Variants in SNX25 observed in about 807,000 individuals in gnomAD.
SNX25 encodes sorting nexin 25.
A neutral mutation model predicts 113.7 loss-of-function variants in SNX25; 62 were observed. The observed-to-expected ratio is 0.55, with a 90% confidence interval of 0.44 to 0.67. The LOEUF (loss-of-function observed/expected upper bound fraction) is 0.67. SNX25 is among the 30% of genes least tolerant of loss of function. SNX25 has a pLI of 0.00. For synonymous variants in SNX25, 421 were observed against 436.2 expected, an observed-to-expected ratio of 0.97 and a Z score of 0.43; for missense variants, 1,014 against 1,161.0, an observed-to-expected ratio of 0.87 and a Z score of 1.84.
At chr4:185,205,556 G>A (rs551686792), upstream of SNX25, among the ~76,000 whole-genome samples, 17 of 152,282 alleles carry the variant, frequency 1.1e-4, no homozygotes, top group South Asian at 1.9e-3. Flanking sequence ...TTGGCCCGGC[G>A]CGGTGGCTCA....
chr4:185,273,961 G>A (rs1001790256), intron 5 of SNX25, among the ~76,000 whole-genome samples: 2 of 151,970 alleles, frequency 1.3e-5, no homozygotes, highest in African/African-American at 2.4e-5. Context: ...ATAGTCCAGA[G>A]TCTTCATGGT....
Position 185,320,815 on chromosome 4 carries a change from C to T in SNX25, c.1427C>T (p.Ala476Val), listed in dbSNP as rs2095114095. Residue 476 changes from alanine (A) to valine (V), a missense_variant, in exon 8 of 19, where the codon GCT (alanine) becomes GTT (valine). Ala to Val is a moderately conservative substitution (Grantham distance 64). Transcript: ENST00000652585. ...GMYMERMDKR[A>V]LISFWESVEH... Reference sequence around the variant, plus strand: ...TACATGGAAAGGATGGACAAAAGAGCTCTGATTAGTTTTTGGGAATCTGTG... The same window carrying T: ...TACATGGAAAGGATGGACAAAAGAGTTCTGATTAGTTTTTGGGAATCTGTG... The T allele has an allele frequency of 1.2e-6, 2 of 1,605,316 alleles. No homozygotes were observed. Among genetic ancestry groups the T allele is most frequent in the East Asian group, 2.3e-5 (1 of 44,344 alleles).
intron 10 of SNX25, among the ~76,000 whole-genome samples, chr4:185,333,949 T>C (rs919014020): frequency 3.4e-5 from 5 of 149,112 alleles, no homozygotes; most frequent in Admixed American, 1.4e-4. Flanking sequence ...CTAGGTAGGC[T>C]GAGAAAGGAA....
chr4:185,218,428 C>G (rs1739241245), intron 1 of SNX25, among the ~76,000 whole-genome samples: 2 of 152,174 alleles, frequency 1.3e-5, no homozygotes, highest in South Asian at 4.1e-4. Context: ...TTCCAGAAAT[C>G]CCAGCAGGTT....
intron 2 of SNX25, among the ~76,000 whole-genome samples, chr4:185,248,689 A>T (rs779537371): frequency 3.9e-5 from 6 of 152,210 alleles, no homozygotes; most frequent in Non-Finnish European, 8.8e-5. Context: ...AATTGCTTTT[A>T]TTGAGGTAAA....
chr4:185,216,668 C>T (rs1258359721), intron 1 of SNX25, among the ~76,000 whole-genome samples: 5 of 151,824 alleles, frequency 3.3e-5, no homozygotes, highest in Middle Eastern at 3.4e-3. Flanking sequence ...GATAGGCGCC[C>T]GCCACCACGC....
intron 15 of SNX25, among the ~76,000 whole-genome samples, chr4:185,356,146 C>CGCGT (rs2095337878): frequency 6.6e-6 from 1 of 150,430 alleles, no homozygotes; most frequent in South Asian, 2.1e-4. Flanking sequence ...ATGGGGCTCG[C>CGCGT]GTGTGTGTGT....
intron 14 of SNX25, among the ~76,000 whole-genome samples, chr4:185,352,691 T>C (rs1454558276): frequency 6.6e-6 from 1 of 152,204 alleles, no homozygotes; most frequent in Non-Finnish European, 1.5e-5. Flanking sequence ...ATGCTGTTTT[T>C]AGGGAACTCC....
chr4:185,300,329 T>TG (rs1162297354), intron 6 of SNX25, among the ~76,000 whole-genome samples: 2 of 151,510 alleles, frequency 1.3e-5, no homozygotes, highest in African/African-American at 4.9e-5. Context: ...CAGCTATTTT[T>TG]TTTTTTTTTT....
chr4:185,249,237 T>A (rs1035117786), intron 2 of SNX25, among the ~76,000 whole-genome samples: 2 of 152,218 alleles, frequency 1.3e-5, no homozygotes, highest in African/African-American at 4.8e-5. Context: ...CCAAAATGAT[T>A]GTCTCTTTTT....
intron 4 of SNX25, 49 bp downstream of exon 4, chr4:185,264,659 T>C: frequency 6.4e-7 from 1 of 1,568,914 alleles, no homozygotes; most frequent in Non-Finnish European, 8.8e-7. Flanking sequence ...TGCAAACTAA[T>C]GTGCTACATG....
chr4:185,329,559 C>G (rs1170709161), intron 9 of SNX25, among the ~76,000 whole-genome samples: 1 of 152,128 alleles, frequency 6.6e-6, no homozygotes, highest in Admixed American at 6.5e-5. Context: ...TTCGTGGGTA[C>G]CGCTTGAAAG....
In SNX25 at chr4:185,210,220, C is replaced by A; in HGVS notation, c.394C>A (p.Leu132Met). The A allele has an allele frequency of 2.0e-6, 2 of 984,786 alleles. No individual in the cohort carries two copies. Among genetic ancestry groups the A allele is most frequent in the Non-Finnish European group, 2.4e-6 (2 of 830,014 alleles). 61.0% of individuals were successfully genotyped at this position (984,786 alleles called of 1,614,324 possible). A position where few individuals can be genotyped will look rare whatever the true frequency, so the allele number is the denominator to read the frequency against. ...CGACTTCGCCGCCGCCTGGAGCCGG[C>A]TGGCCGCGACCTCAGCCGCCCGCCG... ...PPDFAAAWSR[L>M]AATSAARRPP... Residue 132 changes from leucine to methionine, a missense_variant, in exon 1 of 19, where the codon CTG (leucine) becomes ATG (methionine). Physicochemically the swap from Leu to Met is conservative, Grantham distance 15 (BLOSUM62 2). Coordinates refer to ENST00000652585, the MANE Select transcript of SNX25 (RefSeq NM_001378034.2). This position sits in a 1 kb window ranked among gnomAD's most constrained non-coding sequence, Gnocchi z 4.4.
At chr4:185,327,114 G>A (rs899997367) in intron 9 of SNX25, among the ~76,000 whole-genome samples, 3 of 152,186 alleles carry the variant, frequency 2.0e-5, no homozygotes, top group South Asian at 4.1e-4. Flanking sequence ...AAAAGTATAC[G>A]TAAAATGTTT....
chr4:185,332,274 T>G (rs750516436), intron 9 of SNX25, among the ~76,000 whole-genome samples: 1 of 152,108 alleles, frequency 6.6e-6, no homozygotes, highest in Non-Finnish European at 1.5e-5. Context: ...AATATTCAGG[T>G]TGAGTTGGGA....
At chr4:185,229,904 C>T (rs1741576914) in intron 1 of SNX25, among the ~76,000 whole-genome samples, 1 of 152,202 alleles carries the variant, frequency 6.6e-6, no homozygotes, top group South Asian at 2.1e-4. Context: ...TCATGGCTCT[C>T]TGCAGCCTCG....
At chr4:185,353,768 G>A (rs11724164) in intron 15 of SNX25, among the ~76,000 whole-genome samples, 166 bp downstream of exon 15, 4 of 152,050 alleles carry the variant, frequency 2.6e-5, no homozygotes, top group South Asian at 2.1e-4. Flanking sequence ...AACCCAGGCC[G>A]GGCACGGTGG....
intron 1 of SNX25, among the ~76,000 whole-genome samples, chr4:185,234,384 G>A (rs978517708): frequency 2.2e-5 from 3 of 133,712 alleles, no homozygotes; most frequent in African/African-American, 8.2e-5. Flanking sequence ...AATTAACGTT[G>A]TTAAAAAGTT....
intron 9 of SNX25, among the ~76,000 whole-genome samples, chr4:185,328,428 G>A (rs776066369): frequency 2.6e-5 from 4 of 152,086 alleles, no homozygotes; most frequent in African/African-American, 9.7e-5. Flanking sequence ...TCTTTCATAC[G>A]TGCACCAAGA....
Sources: gnomAD v4.1 joint callset for allele counts (sites outside exome capture counted in the v4.1 genomes callset) on GRCh38, gnomAD v4.1.1 for gene constraint, Gnocchi (gnomAD v3.1) non-coding constraint, MANE v1.5 for transcripts, NCBI Gene and HGNC (gene_info 2026-07-23, HGNC 2026-07-21) for gene names.